The following ZNF607 variants were observed in gnomAD, a reference collection of about 807,000 sequenced individuals.
ZNF607 encodes zinc finger protein 607.
A neutral mutation model predicts 12.8 loss-of-function variants in ZNF607; 5 were observed. That is an observed-to-expected ratio of 0.39 (90% CI 0.20 to 0.82). The LOEUF (loss-of-function observed/expected upper bound fraction) is 0.82. ZNF607 is among the 40% of genes least tolerant of loss of function. The pLI, the probability that ZNF607 is intolerant of heterozygous loss-of-function variation, is 0.39. For synonymous variants in ZNF607, 287 were observed against 276.2 expected, an observed-to-expected ratio of 1.04 and a Z score of -0.39; for missense variants, 851 against 859.2, an observed-to-expected ratio of 0.99 and a Z score of 0.12.
At chr19:37,709,225 T>C (rs1254185300) in intron 3 of ZNF607, among the ~76,000 whole-genome samples, 1 of 152,234 alleles carries the variant, frequency 6.6e-6, no homozygotes, top group East Asian at 1.9e-4. Flanking sequence ...TAAGTTTCAT[T>C]TATCCAGTCC....
chr19:37,699,604 CCA>C lies in ZNF607; in HGVS notation c.525_526del (p.Cys175TrpfsTer19), dbSNP rs1568403282. ...GTTTGCAGGATAACTGAAGACCTTC[CCA>C]CATTCTTCACATTCATAAGGTTTCT... On this transcript the variant is annotated frameshift_variant, in exon 5 of 5. Transcript: ENST00000355202. LOFTEE classifies it low-confidence loss of function (END_TRUNC). 6.2e-7 allele frequency: 1 copy of C among 1,614,090 alleles called. No homozygotes were observed. Among genetic ancestry groups the C allele is most frequent in the Non-Finnish European group, 8.5e-7 (1 of 1,180,022 alleles).
At chr19:37,708,447 G>T (rs2045105127) in intron 3 of ZNF607, among the ~76,000 whole-genome samples, 1 of 151,718 alleles carries the variant, frequency 6.6e-6, no homozygotes, top group South Asian at 2.1e-4. Flanking sequence ...GCTCATCTGG[G>T]CCTCCCAAAG....
chr19:37,696,915 A>G lies in ZNF607; in HGVS notation c.*1125T>C. 4.5e-6 allele frequency: 3 copies of G among 673,422 alleles called. No homozygotes were observed. Among genetic ancestry groups the G allele is most frequent in the Non-Finnish European group, 5.4e-6 (2 of 369,866 alleles). The allele number at this position is 673,422 out of a possible 1,614,324, so 41.7% of individuals were successfully genotyped here. ...TGTCAAAGACACGTCGTCCAGAATG[A>G]GCCCAAAGGTGGCTGCTCACTCCAT... On this transcript the variant is annotated 3_prime_UTR_variant, in exon 5 of 5. Coordinates refer to ENST00000355202, the MANE Select transcript of ZNF607 (RefSeq NM_032689.5).
rs756071257 is a variant in ZNF607, at chr19:37,698,059, T to C, written c.2072A>G (p.His691Arg). The C allele has an allele frequency of 3.1e-6, 5 of 1,597,814 alleles. No individual in the cohort carries two copies. In the South Asian group the frequency reaches 5.7e-5, roughly 18 times the overall value. Residue 691 changes from histidine to arginine, a missense_variant, in exon 5 of 5, where the codon CAT becomes CGT. Coordinates refer to ENST00000355202, the MANE Select transcript of ZNF607 (RefSeq NM_032689.5). ...TCTCTATCAAATATGAATTCTCTGA[T>C]GTACTTCAAGGATGGATCTAAGCCT... is the stretch of plus-strand genomic sequence containing the variant. ...SFRLRSILEV[H>R]QRIHI is the part of the protein sequence containing the mutation.
At position 37,696,568 on chromosome 19, in the gene ZNF607, A is replaced by G; in HGVS notation, c.*1472T>C. ...AGGGCGAAAGGTGGTGTTACGAATC[A>G]TCGGGGCTGTGGCCCAGTTGCCTCA... On this transcript the variant is annotated 3_prime_UTR_variant, in exon 5 of 5. Transcript: ENST00000355202. The G allele has an allele frequency of 1.9e-6, 1 of 516,406 alleles. No individual in the cohort carries two copies. Among genetic ancestry groups the G allele is most frequent in the Non-Finnish European group, 3.5e-6 (1 of 283,934 alleles). 32.0% of individuals were successfully genotyped at this position (516,406 alleles called of 1,614,324 possible).
intron 4 of ZNF607, among the ~76,000 whole-genome samples, chr19:37,701,714 AAACTTTATTTAT>A (rs1363176954): frequency 6.6e-6 from 1 of 152,230 alleles, no homozygotes; most frequent in Non-Finnish European, 1.5e-5. Flanking sequence ...TGCAGCATCG[AAACTTTATTTAT>A]AACAGTAGCA....
intron 2 of ZNF607, 89 bp from the exon 3 acceptor site, chr19:37,709,911 C>G (rs1051877422): frequency 2.0e-6 from 3 of 1,481,198 alleles, no homozygotes; most frequent in East Asian, 2.3e-5. Context: ...AATCCCAGCA[C>G]TTTGGGAGGC....
In ZNF607 at chr19:37,697,912, G is replaced by A. The variant is rs893473139; in HGVS notation, c.*128C>T. On this transcript the variant is annotated 3_prime_UTR_variant, in exon 5 of 5. Coordinates refer to ENST00000355202, the MANE Select transcript of ZNF607 (RefSeq NM_032689.5). ...TGAAAAGTTCACACCAATACAAATT[G>A]ATGCCTAATAAAAACTGAACTGTAT... The A allele has an allele frequency of 1.2e-6, 1 of 866,492 alleles. No homozygotes were observed. Among genetic ancestry groups the A allele is most frequent in the Non-Finnish European group, 1.8e-6 (1 of 569,942 alleles). 53.7% of individuals were successfully genotyped at this position (866,492 alleles called of 1,614,324 possible). A position where few individuals can be genotyped will look rare whatever the true frequency, so the allele number is the denominator to read the frequency against.
At position 37,698,534 on chromosome 19, in the gene ZNF607, A is replaced by G. The variant is rs746112014; in HGVS notation, c.1597T>C (p.Phe533Leu). The G allele has an allele frequency of 2.9e-5, 47 of 1,611,892 alleles. No individual in the cohort carries two copies. In the East Asian group the frequency reaches 1.0e-3, roughly 36 times the overall value. Residue 533 changes from phenylalanine to leucine, a missense_variant, in exon 5 of 5, where the codon TTT (phenylalanine) becomes CTT (leucine). By Grantham distance (22) the Phe-to-Leu change is conservative (BLOSUM62 0). Transcript: ENST00000355202. ...GACTTCCCGCATTTGTTGCATTCAA[A>G]GGGTTTCTTACCACTGTGAATACTC... ...HLSIHSGKKP[F>L]ECNKCGKSFR...
In ZNF607 at chr19:37,711,651, G is replaced by A; in HGVS notation, c.-33C>T. ...GACTGGCAAGAGTTGATCAGTCCTT[G>A]GCGTTTCTCTACCAGAAGAGCAAAG... is the stretch of plus-strand genomic sequence containing the variant. On this transcript the variant is annotated 5_prime_UTR_variant, in exon 2 of 5. Coordinates refer to ENST00000355202, the MANE Select transcript of ZNF607 (RefSeq NM_032689.5). 1.2e-6 allele frequency: 2 copies of A among 1,612,906 alleles called. No homozygotes were observed. The highest frequency in any genetic ancestry group is 1.7e-6 in the Non-Finnish European group (2 of 1,179,050).
intron 4 of ZNF607, among the ~76,000 whole-genome samples, chr19:37,704,288 A>G (rs2045062972): frequency 6.6e-6 from 1 of 152,222 alleles, no homozygotes; most frequent in Non-Finnish European, 1.5e-5. Context: ...TTCACAGAAC[A>G]TTCCACCCAA....
chr19:37,713,760 A>C (rs1437243049), intron 1 of ZNF607, among the ~76,000 whole-genome samples: 1 of 152,124 alleles, frequency 6.6e-6, no homozygotes, highest in Non-Finnish European at 1.5e-5. Flanking sequence ...TTTACCACAA[A>C]ATTCACAGGT....
chr19:37,717,738 G>A (rs2045189445), intron 1 of ZNF607, among the ~76,000 whole-genome samples: 2 of 149,476 alleles, frequency 1.3e-5, no homozygotes, highest in Admixed American at 6.7e-5. Flanking sequence ...CCCGGGAGGC[G>A]GAGGTTGCAG....
chr19:37,717,735 G>A (rs1377589710), intron 1 of ZNF607, among the ~76,000 whole-genome samples: 3 of 149,226 alleles, frequency 2.0e-5, no homozygotes, highest in African/African-American at 4.9e-5. Flanking sequence ...GAACCCGGGA[G>A]GCGGAGGTTG....
intron 1 of ZNF607, among the ~76,000 whole-genome samples, chr19:37,715,123 G>C (rs925852059): frequency 6.6e-6 from 1 of 151,538 alleles, no homozygotes; most frequent in Non-Finnish European, 1.5e-5. Context: ...GACCAGGCTG[G>C]TCTAGAACTC....
Position 37,696,827 on chromosome 19 carries a change from A to G in ZNF607, c.*1213T>C. On this transcript the variant is annotated 3_prime_UTR_variant, in exon 5 of 5. Transcript: ENST00000355202. Reference sequence around the variant, plus strand: ...ATGATGGCCGCCTTTTCCACCACAAATCTGGCGCTCTCTGCTTCCTGGGGG... The same window carrying G: ...ATGATGGCCGCCTTTTCCACCACAAGTCTGGCGCTCTCTGCTTCCTGGGGG... The G allele has an allele frequency of 9.7e-7, 1 of 1,027,322 alleles. No individual in the cohort carries two copies. Among genetic ancestry groups the G allele is most frequent in the Non-Finnish European group, 1.5e-6 (1 of 662,694 alleles). 63.6% of individuals were successfully genotyped at this position (1,027,322 alleles called of 1,614,324 possible).
chr19:37,712,190 T>C (rs1180961921), intron 1 of ZNF607, among the ~76,000 whole-genome samples: 1 of 152,210 alleles, frequency 6.6e-6, no homozygotes, highest in Non-Finnish European at 1.5e-5. Flanking sequence ...ACTATCACTG[T>C]CCTAGAATAC....
intron 3 of ZNF607, among the ~76,000 whole-genome samples, chr19:37,708,751 G>C (rs1405742060): frequency 6.6e-6 from 1 of 151,196 alleles, no homozygotes; most frequent in East Asian, 2.0e-4. Flanking sequence ...AGGAGGGTGA[G>C]GCAGGAGAAT....
intron 2 of ZNF607, 53 bp from the exon 3 acceptor site, chr19:37,709,875 G>A: frequency 1.3e-6 from 2 of 1,593,184 alleles, no homozygotes; most frequent in Non-Finnish European, 1.7e-6. Context: ...GGAGTGGAGG[G>A]GCCGGGCACT....
Sources: gnomAD v4.1 joint callset for allele counts (sites outside exome capture counted in the v4.1 genomes callset) on GRCh38, gnomAD v4.1.1 for gene constraint, MANE v1.5 for transcripts, NCBI Gene and HGNC (gene_info 2026-07-23, HGNC 2026-07-21) for gene names.